The following NXPE2 variants were observed in gnomAD, a reference collection of about 807,000 sequenced individuals.
NXPE2 encodes the protein neurexophilin and PC-esterase domain family member 2.
A neutral mutation model predicts 34.4 loss-of-function variants in NXPE2; 34 were observed. The ratio of observed to expected loss-of-function variants is 0.99; its 90% CI spans 0.75 to 1.31. The LOEUF (loss-of-function observed/expected upper bound fraction) is 1.31, where lower values mean the gene tolerates loss of function less well. NXPE2 is among the 40% of genes most tolerant of loss of function. NXPE2 has a pLI of 0.00. For missense variants in NXPE2, 649 were observed against 672.5 expected (o/e 0.97, Z 0.39); for synonymous variants, 235 against 231.3 (o/e 1.02, Z -0.15).
intron 3 of NXPE2, among the ~76,000 whole-genome samples, chr11:114,700,926 C>G (rs939399104): frequency 2.6e-5 from 4 of 151,922 alleles, no homozygotes; most frequent in African/African-American, 9.7e-5. Context: ...GGCAAATTTC[C>G]AGGATAGCAC....
chr11:114,524,792 T>A, the NXPE2 span, among the ~76,000 whole-genome samples: 1 of 152,184 alleles, frequency 6.6e-6, no homozygotes, highest in South Asian at 2.1e-4. Flanking sequence ...TTATAACAAA[T>A]TTGCTTATGA....
At chr11:114,720,093 A>G in the NXPE2 span, among the ~76,000 whole-genome samples, 6 of 152,206 alleles carry the variant, frequency 3.9e-5, no homozygotes, top group Non-Finnish European at 8.8e-5. Flanking sequence ...ATTTAATGCT[A>G]TCTCCTCCTT....
the NXPE2 span, among the ~76,000 whole-genome samples, chr11:114,807,554 A>G: frequency 6.6e-6 from 1 of 151,614 alleles, no homozygotes; most frequent in East Asian, 1.9e-4. Context: ...AGTCTCTGAT[A>G]AAACAGACTT....
the NXPE2 span, among the ~76,000 whole-genome samples, chr11:114,500,291 A>G: frequency 6.6e-6 from 1 of 152,048 alleles, no homozygotes; most frequent in Non-Finnish European, 1.5e-5. Context: ...CAGTCTTTTA[A>G]GTTTTAGCAA....
chr11:114,632,768 AT>A, the NXPE2 span, among the ~76,000 whole-genome samples: 1 of 9,272 alleles, frequency 1.1e-4, no homozygotes, highest in Non-Finnish European at 1.7e-4. Flanking sequence ...CATATATTAT[AT>A]AATTATATAT....
chr11:114,571,221 G>A, the NXPE2 span: 543,615 of 1,613,478 alleles, frequency 0.34, 94,688 homozygotes, highest in East Asian at 0.63. Flanking sequence ...GACATTGAGG[G>A]CCCTTCGGAT....
intron 2 of NXPE2, among the ~76,000 whole-genome samples, chr11:114,692,371 C>T (rs1352958641): frequency 2.6e-5 from 4 of 152,280 alleles, no homozygotes; most frequent in African/African-American, 9.6e-5. Context: ...CCATTCTCCC[C>T]CTTCATCCTT....
the NXPE2 span, among the ~76,000 whole-genome samples, chr11:114,646,982 C>A: frequency 4.8e-4 from 73 of 152,260 alleles, no homozygotes; most frequent in African/African-American, 1.7e-3. Flanking sequence ...GCACAAGTGT[C>A]CTGAAAGGAG....
chr11:114,528,241 T>A, the NXPE2 span, among the ~76,000 whole-genome samples: 3 of 152,210 alleles, frequency 2.0e-5, no homozygotes, highest in Non-Finnish European at 2.9e-5. Context: ...AATAGTTTCC[T>A]TGGATTACTG....
the NXPE2 span, chr11:114,522,608 C>T: frequency 1.0e-6 from 1 of 953,456 alleles, no homozygotes; most frequent in Non-Finnish European, 1.5e-6. Context: ...GATAATTGCT[C>T]ACTGGAGCCT....
At chr11:114,760,462 AAAC>A in the NXPE2 span, among the ~76,000 whole-genome samples, 5 of 152,214 alleles carry the variant, frequency 3.3e-5, no homozygotes, top group South Asian at 6.2e-4. Context: ...GTTACAGGTA[AAAC>A]AACAACAACA....
At chr11:114,624,736 C>T in the NXPE2 span, among the ~76,000 whole-genome samples, 1 of 152,058 alleles carries the variant, frequency 6.6e-6, no homozygotes, top group Non-Finnish European at 1.5e-5. Context: ...AGTATTGCCT[C>T]CAGGGTAACC....
At chr11:114,617,010 GATA>G in the NXPE2 span, among the ~76,000 whole-genome samples, 65 of 151,594 alleles carry the variant, frequency 4.3e-4, 2 homozygotes, top group Non-Finnish European at 8.8e-4. Context: ...TTACCTGGTG[GATA>G]ATAAGTATTT....
At chr11:114,630,269 A>T in the NXPE2 span, among the ~76,000 whole-genome samples, 2 of 151,954 alleles carry the variant, frequency 1.3e-5, no homozygotes, top group East Asian at 3.9e-4. Context: ...CTGACTTCAA[A>T]CTATACTAAA....
the NXPE2 span, among the ~76,000 whole-genome samples, chr11:114,796,794 G>A: frequency 1.3e-5 from 2 of 152,192 alleles, no homozygotes; most frequent in Non-Finnish European, 2.9e-5. Context: ...GTGCTCAGAT[G>A]AGCAAAGTGC....
chr11:114,766,889 G>C, the NXPE2 span, among the ~76,000 whole-genome samples: 1 of 152,090 alleles, frequency 6.6e-6, no homozygotes, highest in Non-Finnish European at 1.5e-5. Context: ...AGAAACTTAG[G>C]AGTTGATTAG....
the NXPE2 span, among the ~76,000 whole-genome samples, chr11:114,635,255 GCTCT>G: frequency 4.7e-5 from 7 of 149,654 alleles, no homozygotes; most frequent in Admixed American, 1.3e-4. Context: ...TCATGATTTG[GCTCT>G]CTGTTTGTCT....
chr11:114,528,817 C>A, the NXPE2 span: 1 of 680,198 alleles, frequency 1.5e-6, no homozygotes. Flanking sequence ...CTATAGATGT[C>A]TCTCCAGGTG....
chr11:114,802,448 G>C, the NXPE2 span, among the ~76,000 whole-genome samples: 1 of 152,132 alleles, frequency 6.6e-6, no homozygotes, highest in Non-Finnish European at 1.5e-5. Flanking sequence ...GTCCGGGTTT[G>C]GGTCACAAGC....
Sources: gnomAD v4.1 joint callset for allele counts (sites outside exome capture counted in the v4.1 genomes callset) on GRCh38, gnomAD v4.1.1 for gene constraint, MANE v1.5 for transcripts, NCBI Gene and HGNC (gene_info 2026-07-23, HGNC 2026-07-21) for gene names.